Variants in SEL1L2 observed in about 807,000 individuals in gnomAD.
The protein encoded by SEL1L2 is protein sel-1 homolog 2.
Under a neutral mutation model 98.8 loss-of-function variants are expected in SEL1L2, and 89 were observed. The ratio of observed to expected loss-of-function variants is 0.90; its 90% confidence interval spans 0.76 to 1.07. The LOEUF (loss-of-function observed/expected upper bound fraction) is 1.07. Ranked by LOEUF, SEL1L2 falls within the 50% of genes least tolerant of loss-of-function variation. The pLI, the probability that SEL1L2 is intolerant of heterozygous loss-of-function variation, is 0.00. For synonymous variants in SEL1L2, 262 were observed against 278.5 expected, an observed-to-expected ratio of 0.94 and a Z score of 0.59; for missense variants, 788 against 812.0, an observed-to-expected ratio of 0.97 and a Z score of 0.36.
intron 1 of SEL1L2, among the ~76,000 whole-genome samples, chr20:13,989,883 A>G (rs1044045478): frequency 6.6e-6 from 1 of 152,120 alleles, no homozygotes; most frequent in Non-Finnish European, 1.5e-5. Flanking sequence ...TCTAACCACT[A>G]GACAAGCAGG....
At chr20:13,950,590 G>A (rs891189213) in intron 2 of SEL1L2, among the ~76,000 whole-genome samples, 32 of 152,182 alleles carry the variant, frequency 2.1e-4, no homozygotes, top group African/African-American at 7.7e-4. Context: ...TTTTCATCTG[G>A]AACAGGCACA....
In SEL1L2 at chr20:13,855,036, C is replaced by T. The variant is rs534120363; in HGVS notation, c.1818+4226G>A. 6.8e-5 allele frequency among the ~76,000 whole-genome samples: 8 copies of T among 117,120 alleles called. No individual in the cohort carries two copies. In the East Asian group the frequency reaches 7.6e-4, roughly 11 times the overall value. The allele number at this position is 117,120 out of a possible 152,430, so 76.8% of individuals were successfully genotyped here. Reference sequence around the variant, plus strand: ...ACTGCACTCCAGCCTGGTGACAGAGCGAGACTCCGTCTCAAAAAAAAAAAA... The same window carrying T: ...ACTGCACTCCAGCCTGGTGACAGAGTGAGACTCCGTCTCAAAAAAAAAAAA... On this transcript the variant is annotated intron_variant, in intron 18 of 19. Transcript: ENST00000284951.
intron 18 of SEL1L2, among the ~76,000 whole-genome samples, chr20:13,858,435 G>A (rs933210072): frequency 3.9e-5 from 6 of 151,994 alleles, no homozygotes; most frequent in African/African-American, 9.7e-5. Context: ...GACGAGCTCC[G>A]CAAGCTGGTT....
intron 1 of SEL1L2, among the ~76,000 whole-genome samples, chr20:13,958,922 C>A (rs867195145): frequency 0.01 from 1,184 of 116,126 alleles, no homozygotes; most frequent in Middle Eastern, 0.017. Context: ...GACTCTGTCT[C>A]AAAAAAAAAA....
chr20:13,850,140 T>C (rs1291992669), intron 19 of SEL1L2, 51 bp downstream of exon 19: 2 of 1,606,238 alleles, frequency 1.2e-6, no homozygotes, highest in African/African-American at 1.3e-5. Flanking sequence ...TCCCTAAGAG[T>C]TGCTCACTGG....
intron 5 of SEL1L2, among the ~76,000 whole-genome samples, chr20:13,894,223 C>A (rs925820123): frequency 2.0e-4 from 30 of 152,028 alleles, no homozygotes; most frequent in Non-Finnish European, 2.9e-5. Context: ...AAAGCCAATA[C>A]CAAGAAGTCA....
intron 1 of SEL1L2, among the ~76,000 whole-genome samples, chr20:13,978,797 C>T (rs777749475): frequency 6.6e-6 from 1 of 152,174 alleles, no homozygotes; most frequent in Non-Finnish European, 1.5e-5. Flanking sequence ...TGGCTCACGC[C>T]TGTAATCCCA....
At chr20:13,865,604 C>G (rs746521510) in intron 15 of SEL1L2, 90 bp from the exon 16 acceptor site, 38 of 1,166,328 alleles carry the variant, frequency 3.3e-5, no homozygotes, top group Non-Finnish European at 4.4e-5. Flanking sequence ...TCAGCTCCTA[C>G]CAGCTGGTCA....
rs2073292 is a variant in SEL1L2, at chr20:13,865,080, T to C, written c.1645+87A>G. The C allele has an allele frequency of 0.29, 290,740 of 998,682 alleles. 44,301 individuals carry two copies. Among genetic ancestry groups the C allele is most frequent in the South Asian group, 0.37 (25,922 of 69,900 alleles). 61.9% of individuals were successfully genotyped at this position (998,682 alleles called of 1,614,324 possible). ...TTGATATTCTACCCTTTGCTGCCTA[T>C]GTGCACAAACACGCAGCTACAGCAA... On this transcript the variant is annotated intron_variant, in intron 17 of 19. Transcript: ENST00000284951.
intron 2 of SEL1L2, among the ~76,000 whole-genome samples, chr20:13,949,263 G>A (rs2050150612): frequency 6.6e-6 from 1 of 152,168 alleles, no homozygotes; most frequent in Non-Finnish European, 1.5e-5. Flanking sequence ...TATGCAAATG[G>A]ACATCAAGCC....
chr20:13,933,137 A>T (rs2049232017), intron 2 of SEL1L2, among the ~76,000 whole-genome samples: 2 of 152,132 alleles, frequency 1.3e-5, no homozygotes, highest in African/African-American at 4.8e-5. Flanking sequence ...TGAACCTGCG[A>T]GGCGGAGGTT....
At chr20:13,870,648 C>A (rs766785578) in intron 12 of SEL1L2, among the ~76,000 whole-genome samples, 1 of 152,088 alleles carries the variant, frequency 6.6e-6, no homozygotes, top group African/African-American at 2.4e-5. Context: ...TGAGGCCGGG[C>A]ATGGTGGCCC....
chr20:13,849,758 A>G (rs980909657), intron 19 of SEL1L2, among the ~76,000 whole-genome samples, 154 bp from the exon 20 acceptor site: 10 of 152,060 alleles, frequency 6.6e-5, no homozygotes, highest in Admixed American at 2.6e-4. Flanking sequence ...GCTTGCTTAC[A>G]TCTTCCACAA....
chr20:13,925,022 C>G (rs2048823072), intron 3 of SEL1L2, among the ~76,000 whole-genome samples: 1 of 152,002 alleles, frequency 6.6e-6, no homozygotes, highest in African/African-American at 2.4e-5. Flanking sequence ...ACCTGTAATC[C>G]CAGCTACTAG....
Position 13,956,096 on chromosome 20 carries a change from C to A in SEL1L2, c.94G>T (p.Glu32Ter). The change falls in exon 2 of 20, where the codon GAA becomes TAA. Residue 32 changes from glutamate to a stop codon, truncating the protein, a stop_gained. Transcript: ENST00000284951. LOFTEE classifies it high-confidence loss of function. Reference protein sequence around the residue: ...KAEEHNKRQKERNVTTQVSVN... With the variant: ...KAEEHNKRQK ...TTTACCTGTGTGGTGACATTTCTTT[C>A]CTTTTGTCTTTTATTATGTTCCTCT... is the stretch of plus-strand genomic sequence containing the variant. 1 of 1,565,132 alleles carries A rather than the reference C, an allele frequency of 6.4e-7. No homozygotes were observed. The highest frequency in any genetic ancestry group is 1.8e-5 in the Admixed American group (1 of 55,160).
chr20:13,976,454 G>A (rs974720541), intron 1 of SEL1L2, among the ~76,000 whole-genome samples: 1 of 152,162 alleles, frequency 6.6e-6, no homozygotes, highest in Non-Finnish European at 1.5e-5. Flanking sequence ...TTGACAGATC[G>A]TCTGAAGAAC....
chr20:13,899,588 C>G (rs1334936022), intron 5 of SEL1L2, among the ~76,000 whole-genome samples: 1 of 152,146 alleles, frequency 6.6e-6, no homozygotes, highest in Non-Finnish European at 1.5e-5. Flanking sequence ...AACGAACTTC[C>G]TCCCTCAAGC....
At chr20:13,961,629 T>C (rs924517441) in intron 1 of SEL1L2, among the ~76,000 whole-genome samples, 12 of 152,190 alleles carry the variant, frequency 7.9e-5, no homozygotes, top group Non-Finnish European at 1.5e-4. Context: ...TTTCTAGGAA[T>C]AGGAGACAGC....
intron 5 of SEL1L2, among the ~76,000 whole-genome samples, chr20:13,907,707 TTTCTTTC>T (rs1281450805): frequency 1.1e-5 from 1 of 90,046 alleles, no homozygotes; most frequent in Non-Finnish European, 2.3e-5. Flanking sequence ...TTTCTCTTTC[TTTCTTTC>T]TTTCTTTCTT....
Sources: allele counts gnomAD v4.1 joint callset (sites outside exome capture counted in the v4.1 genomes callset), GRCh38; gene constraint gnomAD v4.1.1; transcripts MANE v1.5; gene names NCBI Gene and HGNC (gene_info 2026-07-23, HGNC 2026-07-21).